Variants in EXOC5 observed in about 807,000 individuals in gnomAD.
EXOC5 encodes the protein exocyst complex component 5.
In EXOC5, 17 loss-of-function variants were observed where a neutral mutation model predicts 90.8. That is an observed-to-expected ratio of 0.19 (90% confidence interval 0.13 to 0.28). The LOEUF is 0.28. Among genes scored for constraint, EXOC5 ranks in the 10% least tolerant of loss-of-function variants. The pLI is 1.00. For missense variants in EXOC5, 569 were observed against 830.6 expected (o/e 0.69, Z 3.87); for synonymous variants, 260 against 270.0 (o/e 0.96, Z 0.36).
rs1033256333 is a variant in EXOC5, at chr14:57,219,304, T to C, written c.1526+18A>G. The C allele has an allele frequency of 4.2e-6, 6 of 1,418,320 alleles. No individual in the cohort carries two copies. In the East Asian group the frequency reaches 7.7e-5, roughly 18 times the overall value. 87.9% of individuals were successfully genotyped at this position (1,418,320 alleles called of 1,614,324 possible). A position where few individuals can be genotyped will look rare whatever the true frequency, so the allele number is the denominator to read the frequency against. The stretch of plus-strand genomic sequence containing the variant: ...ATAGTCACTGAAATATCAATGAAAA[T>C]CAGATAATTTGACTAACCTTATTAG... On this transcript the variant is annotated intron_variant, in intron 14 of 17. Transcript: ENST00000621441.
intron 1 of EXOC5, among the ~76,000 whole-genome samples, chr14:57,250,495 T>G (rs1172969970): frequency 1.3e-5 from 2 of 152,288 alleles, no homozygotes; most frequent in Middle Eastern, 3.4e-3. Context: ...AAGAAAAATA[T>G]GCAAATATTT....
At chr14:57,266,828 C>A (rs571805053) in intron 1 of EXOC5, among the ~76,000 whole-genome samples, 18 of 151,534 alleles carry the variant, frequency 1.2e-4, no homozygotes, top group Admixed American at 5.3e-4. Flanking sequence ...ACCTCCTCCC[C>A]TTCCCCGCTA....
At chr14:57,233,604 G>T in intron 9 of EXOC5, 139 bp downstream of exon 9, 1 of 573,796 alleles carries the variant, frequency 1.7e-6, no homozygotes. Context: ...AAAGCATGAG[G>T]ATTCCTTTCT....
chr14:57,237,216 G>A (rs1222071966), intron 6 of EXOC5, 122 bp downstream of exon 6: 2 of 664,920 alleles, frequency 3.0e-6, no homozygotes, highest in Non-Finnish European at 5.5e-6. Flanking sequence ...GATCTTCTAT[G>A]CAGTAGCCTA....
intron 14 of EXOC5, among the ~76,000 whole-genome samples, chr14:57,218,433 G>C (rs1566726229): frequency 6.6e-6 from 1 of 151,990 alleles, no homozygotes; most frequent in Non-Finnish European, 1.5e-5. Context: ...AAAAGTTATA[G>C]ACTATCATCA....
intron 12 of EXOC5, among the ~76,000 whole-genome samples, chr14:57,223,247 G>A (rs1334651611): frequency 6.6e-6 from 1 of 151,988 alleles, no homozygotes; most frequent in East Asian, 1.9e-4. Context: ...TAGTTATGCT[G>A]GGAAAATAAA....
chr14:57,238,223 T>TACACACAC (rs61373267), intron 5 of EXOC5, among the ~76,000 whole-genome samples: 2 of 125,160 alleles, frequency 1.6e-5, no homozygotes, highest in South Asian at 2.5e-4. Flanking sequence ...CACATATATA[T>TACACACAC]ACACACACAC....
chr14:57,221,180 C>T (rs1181277946), intron 13 of EXOC5, among the ~76,000 whole-genome samples: 1 of 152,128 alleles, frequency 6.6e-6, no homozygotes, highest in African/African-American at 2.4e-5. Flanking sequence ...ATTGAAAAGC[C>T]AGCCATGAGA....
At position 57,219,308 on chromosome 14, in the gene EXOC5, A is replaced by G; in HGVS notation, c.1526+14T>C. 7.0e-7 allele frequency: 1 copy of G among 1,434,152 alleles called. No homozygotes were observed. The highest frequency in any genetic ancestry group is 9.3e-7 in the Non-Finnish European group (1 of 1,076,394). 88.8% of individuals were successfully genotyped at this position (1,434,152 alleles called of 1,614,324 possible). ...TCACTGAAATATCAATGAAAATCAG[A>G]TAATTTGACTAACCTTATTAGTGGC... On this transcript the variant is annotated intron_variant, in intron 14 of 17. Transcript: ENST00000621441.
Position 57,231,709 on chromosome 14 carries a change from G to T in EXOC5, c.945C>A (p.Thr315=). Residue 315 remains threonine (T), a synonymous_variant, in exon 11 of 18, where the codon ACC becomes ACA. Transcript: ENST00000621441. The stretch of plus-strand genomic sequence containing the variant: ...ACTCCATCAGCTTGCTGGAAAGATT[G>T]GTGGTTCTTTTCATGAAAAAGGGGG... ...KNLYDLYTRT[T]NLSSKLMEFN... 6.3e-7 allele frequency: 1 copy of T among 1,596,274 alleles called. No homozygotes were observed. The highest frequency in any genetic ancestry group is 8.5e-7 in the Non-Finnish European group (1 of 1,172,018).
At chr14:57,248,120 G>A in intron 1 of EXOC5, among the ~76,000 whole-genome samples, 1 of 149,156 alleles carries the variant, frequency 6.7e-6, no homozygotes, top group Non-Finnish European at 1.5e-5. Flanking sequence ...ATTATAATGA[G>A]CAAGGCAAGA....
chr14:57,224,782 C>G (rs1377306453), intron 12 of EXOC5, among the ~76,000 whole-genome samples: 1 of 152,144 alleles, frequency 6.6e-6, no homozygotes, highest in Non-Finnish European at 1.5e-5. Flanking sequence ...GGAAAAAAAG[C>G]TGGGCGTGGT....
chr14:57,265,880 A>G (rs565281412), intron 1 of EXOC5, among the ~76,000 whole-genome samples: 28 of 152,250 alleles, frequency 1.8e-4, no homozygotes, highest in Non-Finnish European at 2.8e-4. Flanking sequence ...TGTCAACAAA[A>G]GTTGAAACTA....
chr14:57,266,697 T>C (rs1051476377), intron 1 of EXOC5, among the ~76,000 whole-genome samples: 119 of 129,634 alleles, frequency 9.2e-4, no homozygotes, highest in African/African-American at 3.6e-3. Context: ...ATGTATGTTA[T>C]ATATACGTTA....
At chr14:57,267,931 TTTTTA>T (rs1217133541) in intron 1 of EXOC5, among the ~76,000 whole-genome samples, 4 of 152,204 alleles carry the variant, frequency 2.6e-5, no homozygotes, top group African/African-American at 7.2e-5. Context: ...TTATAAACTT[TTTTTA>T]TTTTATAATA....
intron 12 of EXOC5, among the ~76,000 whole-genome samples, chr14:57,226,427 A>G (rs1883309911): frequency 6.6e-6 from 1 of 152,222 alleles, no homozygotes. Context: ...ATATGCTTAT[A>G]ATGGCATCAA....
At chr14:57,240,486 TG>T (rs1279861755) in intron 4 of EXOC5, among the ~76,000 whole-genome samples, 1 of 152,180 alleles carries the variant, frequency 6.6e-6, no homozygotes, top group African/African-American at 2.4e-5. Context: ...TTCTTTATAT[TG>T]GTCAGGCTGG....
chr14:57,208,562 A>G lies in EXOC5; in HGVS notation c.*47T>C. 1 of 1,436,720 alleles carries G rather than the reference A, an allele frequency of 7.0e-7. No homozygotes were observed. Among genetic ancestry groups the G allele is most frequent in the Non-Finnish European group, 9.7e-7 (1 of 1,029,312 alleles). 89.0% of individuals were successfully genotyped at this position (1,436,720 alleles called of 1,614,324 possible). Reference sequence around the variant, plus strand: ...ACCGAGGGCTGCTGAAGTATAAGACATTCCTCTGTAAAGGAACTGACACTG... The same window carrying G: ...ACCGAGGGCTGCTGAAGTATAAGACGTTCCTCTGTAAAGGAACTGACACTG... On this transcript the variant is annotated 3_prime_UTR_variant, in exon 18 of 18. Coordinates refer to ENST00000621441, the MANE Select transcript of EXOC5 (RefSeq NM_006544.4).
Position 57,214,623 on chromosome 14 carries a change from T to C in EXOC5, c.1613+3359A>G, listed in dbSNP as rs144728673. 7.0e-4 allele frequency among the ~76,000 whole-genome samples: 107 copies of C among 152,184 alleles called. 1 individual carries two copies. Among genetic ancestry groups the C allele is most frequent in the Admixed American group, 1.6e-3 (25 of 15,292 alleles). Reference sequence around the variant, plus strand: ...AAATGAGAGCATAGATTTGCAGTGGTACCAATAACGTACATGTTATGTGAT... The same window carrying C: ...AAATGAGAGCATAGATTTGCAGTGGCACCAATAACGTACATGTTATGTGAT... On this transcript the variant is annotated intron_variant, in intron 15 of 17. Coordinates refer to ENST00000621441, the MANE Select transcript of EXOC5 (RefSeq NM_006544.4).
Sources: gnomAD v4.1 joint callset for allele counts (sites outside exome capture counted in the v4.1 genomes callset) on GRCh38, gnomAD v4.1.1 for gene constraint, MANE v1.5 for transcripts, NCBI Gene and HGNC (gene_info 2026-07-23, HGNC 2026-07-21) for gene names.